The following MAGI2 variants were observed in gnomAD, a reference collection of about 807,000 sequenced individuals.
MAGI2 encodes membrane associated guanylate kinase, WW and PDZ domain containing 2, also known as membrane-associated guanylate kinase, WW and PDZ domain-containing protein 2.
MAGI2 carries 35 observed loss-of-function variants against 133.3 expected under a neutral mutation model. That is an observed-to-expected ratio of 0.26 (90% CI 0.20 to 0.35). MAGI2 has a LOEUF of 0.35. Among genes scored for constraint, MAGI2 ranks in the 10% least tolerant of loss-of-function variants. The probability of loss-of-function intolerance (pLI) is 1.00; values close to 1 mark genes in which losing one functional copy is unlikely to be tolerated. For missense variants in MAGI2, 1,636 were observed against 1,863.4 expected (o/e 0.88, Z 2.25); for synonymous variants, 729 against 710.6 (o/e 1.03, Z -0.41).
chr7:78,573,884 G>A (rs901424926), intron 3 of MAGI2, among the ~76,000 whole-genome samples: 2 of 151,908 alleles, frequency 1.3e-5, no homozygotes, highest in Non-Finnish European at 2.9e-5. Flanking sequence ...TTTCAGTCTG[G>A]CTAGAGGCAT....
chr7:78,028,189 T>C (rs1454762931), intron 21 of MAGI2, among the ~76,000 whole-genome samples: 2 of 152,240 alleles, frequency 1.3e-5, no homozygotes, highest in African/African-American at 2.4e-5. Flanking sequence ...TTACTTTGCA[T>C]CTGCTCTTTC....
intron 2 of MAGI2, among the ~76,000 whole-genome samples, chr7:78,887,760 T>C (rs564891198): frequency 1.3e-5 from 2 of 152,336 alleles, no homozygotes; most frequent in South Asian, 2.1e-4. Context: ...TGAGCCAAGA[T>C]GGCCGAATAC....
intron 2 of MAGI2, among the ~76,000 whole-genome samples, chr7:78,828,940 T>A (rs1790898396): frequency 6.6e-6 from 1 of 152,162 alleles, no homozygotes; most frequent in African/African-American, 2.4e-5. Flanking sequence ...GTATATCAGG[T>A]TCAAAAACTG....
At position 79,341,966 on chromosome 7, in the gene MAGI2, G is replaced by C. The variant is rs547311576; in HGVS notation, c.301+111054C>G. On this transcript the variant is annotated intron_variant, in intron 1 of 21. Transcript: ENST00000354212. ...CCTGGGACTAGAGTTCTGTTCCTCA[G>C]CTCCAGATCCACTTGTTTTCACTGT... Among the ~76,000 whole-genome samples, 3 of 152,208 alleles carry C rather than the reference G, an allele frequency of 2.0e-5. No individual in the cohort carries two copies. The South Asian group carries it at 6.2e-4, about 32-fold the overall frequency.
chr7:78,147,933 C>G (rs1230696965), intron 16 of MAGI2, among the ~76,000 whole-genome samples: 1 of 151,922 alleles, frequency 6.6e-6, no homozygotes, highest in Non-Finnish European at 1.5e-5. Flanking sequence ...ATAACAAGTA[C>G]TCACAAGGAT....
chr7:78,994,970 G>T (rs1182139488), intron 2 of MAGI2, among the ~76,000 whole-genome samples: 1 of 152,038 alleles, frequency 6.6e-6, no homozygotes, highest in African/African-American at 2.4e-5. Context: ...TTTAGATTTA[G>T]ATTAGAATTC....
chr7:79,216,741 CTTT>C (rs1009467014), intron 1 of MAGI2, among the ~76,000 whole-genome samples: 1 of 152,032 alleles, frequency 6.6e-6, no homozygotes, highest in Non-Finnish European at 1.5e-5. Context: ...ACATTAATAA[CTTT>C]TTTCCTAATC....
At chr7:78,990,386 A>C (rs1805643130) in intron 2 of MAGI2, among the ~76,000 whole-genome samples, 1 of 152,088 alleles carries the variant, frequency 6.6e-6, no homozygotes, top group South Asian at 2.1e-4. Context: ...TAATCTTCAC[A>C]TCCTCTACTT....
intron 1 of MAGI2, among the ~76,000 whole-genome samples, chr7:79,272,262 T>C (rs562864326): frequency 6.6e-5 from 10 of 152,276 alleles, no homozygotes; most frequent in African/African-American, 2.4e-4. Flanking sequence ...TTCTACTCTT[T>C]GACCAATAGG....
chr7:78,592,101 G>A (rs1161437579), intron 3 of MAGI2, among the ~76,000 whole-genome samples: 1 of 152,144 alleles, frequency 6.6e-6, no homozygotes, highest in Admixed American at 6.5e-5. Context: ...CTCACTAATA[G>A]GGGTTCCAGA....
At chr7:78,355,366 C>G (rs1791963802) in intron 7 of MAGI2, among the ~76,000 whole-genome samples, 1 of 152,124 alleles carries the variant, frequency 6.6e-6, no homozygotes, top group African/African-American at 2.4e-5. Flanking sequence ...ATAGATGCCA[C>G]AGTTTGCTGA....
chr7:79,269,561 G>A (rs998072114), intron 1 of MAGI2, among the ~76,000 whole-genome samples: 1 of 152,130 alleles, frequency 6.6e-6, no homozygotes, highest in Non-Finnish European at 1.5e-5. Flanking sequence ...CAATGTGGGT[G>A]GAGTACAAAA....
chr7:79,164,345 C>T (rs1824715708), intron 1 of MAGI2, among the ~76,000 whole-genome samples: 2 of 152,002 alleles, frequency 1.3e-5, no homozygotes, highest in Non-Finnish European at 2.9e-5. Context: ...AAATATTTTA[C>T]CCCAAAACAT....
intron 1 of MAGI2, among the ~76,000 whole-genome samples, chr7:79,286,684 G>T (rs1363966685): frequency 6.6e-6 from 1 of 151,958 alleles, no homozygotes; most frequent in Non-Finnish European, 1.5e-5. Context: ...TTTGTTGAGG[G>T]CTAAAAAACA....
At chr7:78,300,976 A>G (rs1471718939) in intron 9 of MAGI2, among the ~76,000 whole-genome samples, 2 of 152,212 alleles carry the variant, frequency 1.3e-5, no homozygotes, top group African/African-American at 4.8e-5. Context: ...AGCACTTTGT[A>G]TTAATTGTCA....
chr7:78,067,604 G>T (rs1385222093), intron 21 of MAGI2, among the ~76,000 whole-genome samples: 1 of 152,132 alleles, frequency 6.6e-6, no homozygotes, highest in Non-Finnish European at 1.5e-5. Context: ...ATTTAGTCTG[G>T]GCTAAGTGTG....
intron 7 of MAGI2, among the ~76,000 whole-genome samples, chr7:78,360,825 A>C (rs933740434): frequency 6.6e-6 from 1 of 152,184 alleles, no homozygotes; most frequent in Admixed American, 6.5e-5. Context: ...CGCCTTCACA[A>C]GGCCATTCTC....
At chr7:78,224,853 C>T (rs561025402) in intron 10 of MAGI2, among the ~76,000 whole-genome samples, 1 of 152,078 alleles carries the variant, frequency 6.6e-6, no homozygotes, top group Admixed American at 6.5e-5. Context: ...AAGTCCATGT[C>T]TCTACCGTCA....
chr7:78,067,396 C>CA (rs1418854884), intron 21 of MAGI2, among the ~76,000 whole-genome samples: 1 of 152,130 alleles, frequency 6.6e-6, no homozygotes, highest in Admixed American at 6.5e-5. Flanking sequence ...ATGTGAGAAA[C>CA]AGAGAGTTGC....
Sources: allele counts gnomAD v4.1 joint callset (sites outside exome capture counted in the v4.1 genomes callset), GRCh38; gene constraint gnomAD v4.1.1; transcripts MANE v1.5; gene names NCBI Gene and HGNC (gene_info 2026-07-23, HGNC 2026-07-21).